TSBP1: variants seen among roughly 807,000 people sequenced by gnomAD.
The protein encoded by TSBP1 is testis expressed basic protein 1.
A neutral mutation model predicts 68.8 loss-of-function variants in TSBP1; 56 were observed. The observed-to-expected ratio is 0.81, with a 90% CI of 0.66 to 1.02. The LOEUF (loss-of-function observed/expected upper bound fraction) is 1.02. Among genes scored for constraint, TSBP1 ranks in the 50% least tolerant of loss-of-function variants. The pLI is 0.00. For synonymous variants in TSBP1, 171 were observed against 208.7 expected (o/e 0.82, Z 1.56); for missense variants, 502 against 641.2 (o/e 0.78, Z 2.34).
In TSBP1 at chr6:32,293,258, TG is replaced by T. The variant is rs370050770; in HGVS notation, c.1414del (p.Gln472LysfsTer2). ...TACACCTGACTCACTCTTCTTTACT[TG>T]GGATTCCAGTGTTTCTGGTACACTC... is the stretch of plus-strand genomic sequence containing the variant. On this transcript the variant is annotated frameshift_variant, in exon 23 of 23. Coordinates refer to ENST00000612031, the Ensembl canonical transcript of TSBP1. LOFTEE classifies it low-confidence loss of function (END_TRUNC). 46 of 1,612,846 alleles carry T rather than the reference TG, an allele frequency of 2.9e-5. No individual in the cohort carries two copies. In the African/African-American group the frequency reaches 5.7e-4, roughly 20 times the overall value.
chr6:32,332,001 G>A, intron 15 of TSBP1, 33 bp downstream of exon 16: 1 of 1,536,710 alleles, frequency 6.5e-7, no homozygotes, highest in Non-Finnish European at 9.0e-7. Context: ...TAAGAAGCCA[G>A]TAGAGATAAG....
rs563178098 is a variant in TSBP1 at position 32,321,965 on chromosome 6, G to A, written c.559+1152C>T. On this transcript the variant is annotated intron_variant, in intron 18 of 22. Coordinates refer to ENST00000612031, the Ensembl canonical transcript of TSBP1. This position sits in a 1 kb window ranked among gnomAD's most constrained non-coding sequence, Gnocchi z 4.3. ...CAGCTACCCTCTTCAGACTATATGT[G>A]TCCTCCCAGTTTTACACAGTTCCCA... Among the ~76,000 whole-genome samples, 6 of 152,122 alleles carry A rather than the reference G, an allele frequency of 3.9e-5. No individual in the cohort carries two copies. The highest frequency in any genetic ancestry group is 1.5e-5 in the Non-Finnish European group (1 of 68,030).
At chr6:32,326,081 A>G (rs1468796689) in intron 16 of TSBP1, 21 of 1,420,152 alleles carry the variant, frequency 1.5e-5, no homozygotes, top group East Asian at 2.3e-5. Flanking sequence ...TGTGGCCTCT[A>G]TGGTGGTGGA....
chr6:32,344,264 A>C (rs1054854381), intron 9 of TSBP1, among the ~76,000 whole-genome samples: 512 of 71,916 alleles, frequency 7.1e-3, no homozygotes, highest in Non-Finnish European at 7.8e-3. Context: ...CCCTCCCCCC[A>C]CCCCCCACCC....
chr6:32,299,901 G>GAGAATAGAT, intron 22 of TSBP1, 21 bp downstream of exon 25: 2 of 1,586,132 alleles, frequency 1.3e-6, no homozygotes, highest in Non-Finnish European at 1.7e-6. Flanking sequence ...TATCAGAGTT[G>GAGAATAGAT]AGAATAGATA....
chr6:32,371,634 A>C (rs1290013515), intron 1 of TSBP1, 60 bp downstream of exon 1: 3 of 1,237,210 alleles, frequency 2.4e-6, no homozygotes, highest in Non-Finnish European at 3.6e-6. Context: ...CTAAGTCCCT[A>C]AGAGGAGACT....
Position 32,302,612 on chromosome 6 carries a change from T to A in TSBP1, c.598A>T (p.Thr200Ser). 2 of 1,549,294 alleles carry A rather than the reference T, an allele frequency of 1.3e-6. No individual in the cohort carries two copies. Among genetic ancestry groups the A allele is most frequent in the Non-Finnish European group, 1.7e-6 (2 of 1,149,682 alleles). The change falls in exon 20 of 23, where the codon ACT (threonine) becomes TCT (serine). Residue 200 changes from threonine (T) to serine (S), a missense_variant. Transcript: ENST00000612031. This position sits in a 1 kb window ranked among gnomAD's most constrained non-coding sequence, Gnocchi z 5.1. ...TAAAAATATATTAGGAACTTACTAG[T>A]GTGAACTTGAGGTATTCCTGAAAAT... is the stretch of plus-strand genomic sequence containing the variant.
chr6:32,365,445 C>A lies in TSBP1; in HGVS notation c.217+722G>T. On this transcript the variant is annotated intron_variant, in intron 6 of 22. Transcript: ENST00000612031. The surrounding 1 kb of genome is among the most constrained non-coding windows in gnomAD (Gnocchi z 4.3). ...GCCTGTGGGTCAGTAGTGCAAGGAGCATAGGTCACGCATCTCAAATGGCAG... is the reference window on the plus strand; with the variant it reads ...GCCTGTGGGTCAGTAGTGCAAGGAGAATAGGTCACGCATCTCAAATGGCAG... The A allele has an allele frequency of 2.2e-6, 1 of 456,930 alleles. No homozygotes were observed. Among genetic ancestry groups the A allele is most frequent in the South Asian group, 1.5e-5 (1 of 64,558 alleles). 28.3% of individuals were successfully genotyped at this position (456,930 alleles called of 1,614,324 possible).
intron 8 of TSBP1, among the ~76,000 whole-genome samples, chr6:32,353,430 A>C (rs1771926811): frequency 6.6e-6 from 1 of 151,966 alleles, no homozygotes; most frequent in Non-Finnish European, 1.5e-5. Flanking sequence ...TACATTATTG[A>C]AGGGTATATG....
intron 14 of TSBP1, among the ~76,000 whole-genome samples, chr6:32,334,890 C>T (rs1343294434): frequency 1.3e-5 from 2 of 151,952 alleles, no homozygotes; most frequent in Admixed American, 6.6e-5. Context: ...AAAAATTAGC[C>T]GGGCGTGGTG....
At position 32,343,599 on chromosome 6, in the gene TSBP1, A is replaced by G. The variant is rs898486305; in HGVS notation, c.350-3961T>C. On this transcript the variant is annotated intron_variant, in intron 9 of 22. Transcript: ENST00000612031. This position sits in a 1 kb window ranked among gnomAD's most constrained non-coding sequence, Gnocchi z 4.3. Reference sequence around the variant, plus strand: ...CTTTCCCTAATGTGATAGCCTCAAGAACCAAAGAAAGGCAATGTTACAAAG... The same window carrying G: ...CTTTCCCTAATGTGATAGCCTCAAGGACCAAAGAAAGGCAATGTTACAAAG... Among the ~76,000 whole-genome samples, 1 of 152,156 alleles carries G rather than the reference A, an allele frequency of 6.6e-6. No homozygotes were observed. The highest frequency in any genetic ancestry group is 1.5e-5 in the Non-Finnish European group (1 of 68,026).
In TSBP1 at chr6:32,346,299, G is replaced by T; in HGVS notation, c.349+3441C>A. On this transcript the variant is annotated intron_variant, in intron 9 of 22. Transcript: ENST00000612031. ...CAAAGTGCTGGGATTACAGGCGTGA[G>T]CCACCGCGCCCGGCCGTCATATCCT... Among the ~76,000 whole-genome samples the T allele has an allele frequency of 2.1e-4, 2 of 9,492 alleles. 1 individual carries two copies. 6.2% of individuals were successfully genotyped at this position (9,492 alleles called of 152,430 possible).
At chr6:32,324,776 C>A in intron 16 of TSBP1, 1 of 1,474,994 alleles carries the variant, frequency 6.8e-7, no homozygotes, top group Admixed American at 2.4e-5. Flanking sequence ...GATATACTTG[C>A]TTGAACATTT....
intron 9 of TSBP1, among the ~76,000 whole-genome samples, chr6:32,344,398 G>T (rs1163100336): frequency 2.0e-4 from 31 of 151,762 alleles, no homozygotes; most frequent in African/African-American, 1.7e-4. Flanking sequence ...TAGCCTTAGG[G>T]TAAGTTTTGG....
chr6:32,366,410 G>A (rs1051624433), intron 4 of TSBP1, 108 bp from the exon 5 acceptor site: 2 of 1,050,788 alleles, frequency 1.9e-6, no homozygotes, highest in East Asian at 2.4e-5. Context: ...AGATCTCTGA[G>A]AAGAAAAATC....
intron 19 of TSBP1, among the ~76,000 whole-genome samples, chr6:32,310,964 C>T (rs911392240): frequency 2.6e-5 from 4 of 151,924 alleles, no homozygotes; most frequent in African/African-American, 9.7e-5. Flanking sequence ...ATCAAGGTTA[C>T]TTATGACATT....
Position 32,343,144 on chromosome 6 carries a change from GC to G in TSBP1, c.350-3507del. On this transcript the variant is annotated intron_variant, in intron 9 of 22. Transcript: ENST00000612031. The surrounding 1 kb of genome is among the most constrained non-coding windows in gnomAD (Gnocchi z 4.3). ...TCTTAAGCCCTTTCACCCTGACATA[GC>G]AGGAAACAGGAAATAGTTAAGACAG... 1 of 655,072 alleles carries G rather than the reference GC, an allele frequency of 1.5e-6. No individual in the cohort carries two copies. The highest frequency in any genetic ancestry group is 5.3e-5 in the South Asian group (1 of 18,928). The allele number at this position is 655,072 out of a possible 1,614,324, so 40.6% of individuals were successfully genotyped here.
Position 32,306,666 on chromosome 6 carries a change from T to G in TSBP1, c.581-4037A>C, listed in dbSNP as rs1484946673. Reference sequence around the variant, plus strand: ...TATGAACTTAAGCCTTTATTTTAGGTTGCAGTGCTAAATGGAACTATTATT... The same window carrying G: ...TATGAACTTAAGCCTTTATTTTAGGGTGCAGTGCTAAATGGAACTATTATT... On this transcript the variant is annotated intron_variant, in intron 19 of 22. Coordinates refer to ENST00000612031, the Ensembl canonical transcript of TSBP1. The surrounding 1 kb of genome is among the most constrained non-coding windows in gnomAD (Gnocchi z 5.1). Among the ~76,000 whole-genome samples, 2 of 152,208 alleles carry G rather than the reference T, an allele frequency of 1.3e-5. No homozygotes were observed. Among genetic ancestry groups the G allele is most frequent in the African/African-American group, 4.8e-5 (2 of 41,450 alleles).
chr6:32,327,478 T>G (rs149277842), intron 16 of TSBP1, among the ~76,000 whole-genome samples: 298 of 152,226 alleles, frequency 2.0e-3, no homozygotes, highest in African/African-American at 6.5e-3. Flanking sequence ...ACTTTGTGCT[T>G]TGTAGCCTCA....
Sources: gnomAD v4.1 joint callset for allele counts (sites outside exome capture counted in the v4.1 genomes callset) on GRCh38, gnomAD v4.1.1 for gene constraint, Gnocchi (gnomAD v3.1) non-coding constraint, MANE v1.5 for transcripts, NCBI Gene and HGNC (gene_info 2026-07-23, HGNC 2026-07-21) for gene names.